SEH1L: variants seen among roughly 807,000 people sequenced by gnomAD.
SEH1L encodes the protein SEH1 like nucleoporin.
SEH1L carries 18 observed loss-of-function variants against 49.5 expected under a neutral mutation model. The ratio of observed to expected loss-of-function variants is 0.36; its 90% CI spans 0.25 to 0.54. The LOEUF (loss-of-function observed/expected upper bound fraction) is 0.54, where lower values mean the gene tolerates loss of function less well. Among genes scored for constraint, SEH1L ranks in the 20% least tolerant of loss-of-function variants. The pLI is 0.87. For missense variants in SEH1L, 404 were observed against 528.8 expected (o/e 0.76, Z 2.31); for synonymous variants, 169 against 178.1 (o/e 0.95, Z 0.41).
chr18:12,955,278 A>T (rs1255166784), intron 2 of SEH1L, among the ~76,000 whole-genome samples, 185 bp from the exon 3 acceptor site: 1 of 150,850 alleles, frequency 6.6e-6, no homozygotes, highest in Non-Finnish European at 1.5e-5. Flanking sequence ...AGGTTAAAAC[A>T]TTCTGGAATT....
intron 6 of SEH1L, among the ~76,000 whole-genome samples, chr18:12,980,637 G>T: frequency 7.3e-6 from 1 of 136,100 alleles, no homozygotes; most frequent in African/African-American, 2.8e-5. Flanking sequence ...CCCAGTAGGG[G>T]CGGCCGGGCA....
intron 5 of SEH1L, chr18:12,972,140 A>C (rs773301081): frequency 1.3e-5 from 2 of 152,210 alleles, no homozygotes; most frequent in Non-Finnish European, 2.9e-5. Context: ...TCCAGGTGGG[A>C]GAGTACGTGG....
At chr18:12,949,007 C>T (rs1290686926) in intron 1 of SEH1L, among the ~76,000 whole-genome samples, 1 of 151,768 alleles carries the variant, frequency 6.6e-6, no homozygotes, top group Non-Finnish European at 1.5e-5. Context: ...ACGCCACCAC[C>T]CCCGGCTAAT....
chr18:12,986,464 T>G (rs2032462600), intron 8 of SEH1L: 1 of 986,848 alleles, frequency 1.0e-6, no homozygotes, highest in Non-Finnish European at 1.2e-6. Context: ...CTGCTGTGAG[T>G]GAACCATTGC....
intron 1 of SEH1L, among the ~76,000 whole-genome samples, chr18:12,950,386 G>A (rs1401160510): frequency 6.6e-6 from 1 of 151,992 alleles, no homozygotes; most frequent in African/African-American, 2.4e-5. Flanking sequence ...GAGGAGCCAT[G>A]TATTTATTTG....
intron 5 of SEH1L, chr18:12,974,088 AAGAG>A: frequency 6.6e-6 from 1 of 152,284 alleles, no homozygotes; most frequent in South Asian, 2.1e-4. Flanking sequence ...GTGTTGGGGA[AAGAG>A]TGTCTGCAGG....
At chr18:12,986,509 A>G in intron 8 of SEH1L, 1 of 982,766 alleles carries the variant, frequency 1.0e-6, no homozygotes, top group Non-Finnish European at 1.2e-6. Context: ...CTGTAAATGT[A>G]CAGAATAGCA....
At chr18:12,985,187 G>A (rs992023368) in intron 8 of SEH1L, 17 of 1,569,662 alleles carry the variant, frequency 1.1e-5, no homozygotes, top group Non-Finnish European at 1.5e-5. Context: ...AACCATCTGT[G>A]TTAGATCTGT....
chr18:12,965,170 G>T (rs189123137), intron 4 of SEH1L, among the ~76,000 whole-genome samples: 1 of 151,524 alleles, frequency 6.6e-6, no homozygotes, highest in African/African-American at 2.4e-5. Context: ...CTGCCACCAC[G>T]CCTGGCTAAT....
chr18:12,973,282 A>G (rs1024016688), intron 5 of SEH1L: 4 of 151,822 alleles, frequency 2.6e-5, no homozygotes, highest in African/African-American at 9.7e-5. Context: ...TTCTGAAAGA[A>G]AATACAGGCA....
chr18:12,956,974 A>G lies in SEH1L; in HGVS notation c.309+1365A>G, dbSNP rs1598945725. Reference sequence around the variant, plus strand: ...TCCCAGCTACTCTGGAGGCTGAGGCAGGAGAATGGTGTGAACCCGGGAGGC... The same window carrying G: ...TCCCAGCTACTCTGGAGGCTGAGGCGGGAGAATGGTGTGAACCCGGGAGGC... On this transcript the variant is annotated intron_variant, in intron 3 of 8. Transcript: ENST00000399892. 2.0e-5 allele frequency among the ~76,000 whole-genome samples: 3 copies of G among 152,226 alleles called. No individual in the cohort carries two copies. The South Asian group carries it at 6.2e-4, about 32-fold the overall frequency.
chr18:12,978,422 A>G (rs946782142), intron 5 of SEH1L: 2 of 186,146 alleles, frequency 1.1e-5, no homozygotes, highest in Non-Finnish European at 2.2e-5. Context: ...CTCTGTGTTC[A>G]CATGGCTGCC....
intron 4 of SEH1L, among the ~76,000 whole-genome samples, chr18:12,966,031 G>T (rs2031435140): frequency 6.6e-6 from 1 of 151,424 alleles, no homozygotes; most frequent in Non-Finnish European, 1.5e-5. Flanking sequence ...ATTATTATGT[G>T]TTGGCCTTTG....
chr18:12,978,670 GA>G (rs2032027236), intron 5 of SEH1L, 81 bp from the exon 6 acceptor site: 14 of 1,178,526 alleles, frequency 1.2e-5, no homozygotes, highest in Admixed American at 1.9e-5. Context: ...TGAGCAGTGT[GA>G]AAAAAAGGTG....
chr18:12,969,711 A>C (rs1439896786), intron 4 of SEH1L, among the ~76,000 whole-genome samples: 1 of 151,302 alleles, frequency 6.6e-6, no homozygotes, highest in Non-Finnish European at 1.5e-5. Flanking sequence ...AATCAAAACC[A>C]AGTATTTGTA....
intron 3 of SEH1L, among the ~76,000 whole-genome samples, chr18:12,956,657 A>G (rs984351558): frequency 2.0e-5 from 3 of 148,642 alleles, no homozygotes; most frequent in Non-Finnish European, 3.0e-5. Context: ...GACATTCTAT[A>G]TTTAGGATTG....
intron 2 of SEH1L, among the ~76,000 whole-genome samples, chr18:12,954,303 G>A (rs544017451): frequency 1.1e-4 from 17 of 152,212 alleles, no homozygotes; most frequent in Admixed American, 3.3e-4. Flanking sequence ...CCCTTCTCCA[G>A]CCACCTCCCC....
chr18:12,980,839 CT>C (rs2032207272), intron 6 of SEH1L, among the ~76,000 whole-genome samples: 2 of 122,644 alleles, frequency 1.6e-5, no homozygotes, highest in African/African-American at 3.0e-5. Flanking sequence ...CCCCACTTCC[CT>C]TCCGGACGGG....
At chr18:12,948,482 C>T (rs931715159) in intron 1 of SEH1L, 3 of 346,364 alleles carry the variant, frequency 8.7e-6, no homozygotes, top group Admixed American at 1.0e-4. Context: ...CCGCAGGGTA[C>T]GCCGGGCCCT....
Sources: gnomAD v4.1 joint callset for allele counts (sites outside exome capture counted in the v4.1 genomes callset) on GRCh38, gnomAD v4.1.1 for gene constraint, MANE v1.5 for transcripts, NCBI Gene and HGNC (gene_info 2026-07-23, HGNC 2026-07-21) for gene names.